Variants in CHD8 observed in about 807,000 individuals in gnomAD.
CHD8 encodes the protein chromodomain helicase DNA binding protein 8, also known as ATP-dependent chromatin remodeler CHD8.
In CHD8, 31 loss-of-function variants were observed where a neutral mutation model predicts 279.2. The ratio of observed to expected loss-of-function variants is 0.11; its 90% CI spans 0.08 to 0.15. The LOEUF is 0.15. Among genes scored for constraint, CHD8 ranks in the 10% least tolerant of loss-of-function variants. The probability of loss-of-function intolerance (pLI) is 1.00; values close to 1 mark genes in which losing one functional copy is unlikely to be tolerated. For synonymous variants in CHD8, 1,081 were observed against 1,139.6 expected (o/e 0.95, Z 1.04); for missense variants, 2,146 against 3,230.5 (o/e 0.66, Z 8.14).
At chr14:21,392,447 A>G (rs1412708212) in intron 34 of CHD8, 60 bp downstream of exon 34, 64 of 1,484,752 alleles carry the variant, frequency 4.3e-5, no homozygotes, top group Non-Finnish European at 5.5e-5. Context: ...TAGTAAAATT[A>G]GTTACAGCAA....
chr14:21,405,920 T>A lies in CHD8; in HGVS notation c.2908-56A>T. On this transcript the variant is annotated intron_variant, in intron 14 of 37. Transcript: ENST00000646647. This position sits in a 1 kb window ranked among gnomAD's most constrained non-coding sequence, Gnocchi z 4.2. ...TTAAAAACATGAAGGACTTCTGGGGTTTCCTATCAAGTATATAATCTTTAA... is the reference window on the plus strand; with the variant it reads ...TTAAAAACATGAAGGACTTCTGGGGATTCCTATCAAGTATATAATCTTTAA... 1 of 1,415,552 alleles carries A rather than the reference T, an allele frequency of 7.1e-7. No individual in the cohort carries two copies. 87.7% of individuals were successfully genotyped at this position (1,415,552 alleles called of 1,614,324 possible).
intron 1 of CHD8, chr14:21,437,048 A>AAGGGGG: frequency 2.2e-6 from 1 of 464,446 alleles, no homozygotes; most frequent in Non-Finnish European, 3.4e-6. Flanking sequence ...GGGATGGCCA[A>AAGGGGG]GACGGGAAGA....
chr14:21,399,846 A>G, intron 25 of CHD8, 135 bp downstream of exon 25: 1 of 964,568 alleles, frequency 1.0e-6, no homozygotes, highest in Non-Finnish European at 1.7e-6. Context: ...CACTAGTGTC[A>G]AGTATAAGAT....
At chr14:21,399,561 A>C (rs1308362532) in intron 26 of CHD8, 41 bp downstream of exon 26, 5 of 1,395,050 alleles carry the variant, frequency 3.6e-6, no homozygotes, top group Non-Finnish European at 4.1e-6. Context: ...GTGAACATAA[A>C]TCTTCAGTCG....
At chr14:21,426,319 C>A (rs1056905992) in intron 4 of CHD8, 77 bp from the exon 5 acceptor site, 11 of 717,842 alleles carry the variant, frequency 1.5e-5, no homozygotes, top group Non-Finnish European at 2.6e-5. Context: ...TTAATCTAAA[C>A]CATCACATAC....
Position 21,386,101 on chromosome 14 carries a change from G to T in CHD8, c.7258C>A (p.Arg2420Ser), listed in dbSNP as rs371294659. ...IAPESSKKRA[R>S]RMRPDLSKMM... ...TTAGAAAGGTCTGGTCGCATCCTAC[G>T]GGCCCGCTTCTTGCTGCTCTCTGGT... The change falls in exon 38 of 38, where the codon CGT becomes AGT. Residue 2420 changes from arginine (R) to serine (S), a missense_variant. Arg to Ser is a moderately radical substitution (Grantham distance 110). Coordinates refer to ENST00000646647, the MANE Select transcript of CHD8 (RefSeq NM_001170629.2). 6.4e-7 allele frequency: 1 copy of T among 1,559,240 alleles called. No individual in the cohort carries two copies. The highest frequency in any genetic ancestry group is 1.9e-5 in the Admixed American group (1 of 51,772).
chr14:21,399,903 G>A, intron 25 of CHD8, 78 bp downstream of exon 25: 6 of 1,242,490 alleles, frequency 4.8e-6, no homozygotes, highest in Non-Finnish European at 7.1e-6. Context: ...CCCAAAGATA[G>A]CATAAAATGA....
At chr14:21,397,517 T>A in intron 27 of CHD8, 1 of 380,980 alleles carries the variant, frequency 2.6e-6, no homozygotes, top group Admixed American at 3.4e-5. Flanking sequence ...AGCTGCTGGC[T>A]GTTATCTTTC....
chr14:21,426,344 G>C (rs1889317583), intron 4 of CHD8, 102 bp from the exon 5 acceptor site: 2 of 627,368 alleles, frequency 3.2e-6, no homozygotes, highest in African/African-American at 1.8e-5. Context: ...CTTCCAGACA[G>C]AAGTTTTTAG....
intron 21 of CHD8, 44 bp downstream of exon 21, chr14:21,401,359 G>C (rs1346601739): frequency 1.7e-6 from 2 of 1,155,920 alleles, no homozygotes; most frequent in Non-Finnish European, 1.2e-6. Context: ...CCCGAAAGTA[G>C]TGTGGTCTTC....
intron 27 of CHD8, 128 bp from the exon 28 acceptor site, chr14:21,396,020 C>T: frequency 1.4e-6 from 1 of 701,998 alleles, no homozygotes; most frequent in South Asian, 1.7e-5. Flanking sequence ...ATTTTTGAGA[C>T]AGGTCTCACT....
chr14:21,421,027 C>G (rs980025332), intron 5 of CHD8, among the ~76,000 whole-genome samples: 1 of 152,202 alleles, frequency 6.6e-6, no homozygotes, highest in African/African-American at 2.4e-5. Context: ...CTCCCAAGTG[C>G]TGGGATTACC....
In CHD8 at chr14:21,431,127, C is replaced by T. The variant is rs779469051; in HGVS notation, c.517G>A (p.Ala173Thr). The T allele has an allele frequency of 3.1e-6, 5 of 1,598,966 alleles. No homozygotes were observed. Among genetic ancestry groups the T allele is most frequent in the Admixed American group, 3.3e-5 (2 of 59,890 alleles). Residue 173 changes from alanine (A) to threonine (T), a missense_variant, in exon 2 of 38, where the codon GCC becomes ACC. By Grantham distance (58) the Ala-to-Thr change is moderately conservative. Coordinates refer to ENST00000646647, the MANE Select transcript of CHD8 (RefSeq NM_001170629.2). Reference protein sequence around the residue: ...KAPPSSSVTGAHVAQIQAQGI... With the variant: ...KAPPSSSVTGTHVAQIQAQGI... ...TGGGCCTGAATTTGTGCCACATGGGCACCAGTGACTGAGGAGCTTGGTGGG... is the reference window on the plus strand; with the variant it reads ...TGGGCCTGAATTTGTGCCACATGGGTACCAGTGACTGAGGAGCTTGGTGGG...
chr14:21,403,756 A>C lies in CHD8; in HGVS notation c.3308-93T>G, dbSNP rs1403822039. On this transcript the variant is annotated intron_variant, in intron 16 of 37. Coordinates refer to ENST00000646647, the MANE Select transcript of CHD8 (RefSeq NM_001170629.2). This position sits in a 1 kb window ranked among gnomAD's most constrained non-coding sequence, Gnocchi z 4.3. ...TAAGAAAGCAAAAGGAAAAAAATGTAATTTGACTTAAGACCAACATTTCTC... is the reference window on the plus strand; with the variant it reads ...TAAGAAAGCAAAAGGAAAAAAATGTCATTTGACTTAAGACCAACATTTCTC... 14 of 1,087,932 alleles carry C rather than the reference A, an allele frequency of 1.3e-5. No individual in the cohort carries two copies. The highest frequency in any genetic ancestry group is 2.2e-5 in the Admixed American group (1 of 45,282). 67.4% of individuals were successfully genotyped at this position (1,087,932 alleles called of 1,614,324 possible).
chr14:21,398,124 T>C, intron 26 of CHD8, 172 bp from the exon 27 acceptor site: 1 of 518,476 alleles, frequency 1.9e-6, no homozygotes, highest in Non-Finnish European at 3.1e-6. Flanking sequence ...AACATTTTTA[T>C]AGCAATTTAG....
rs1430708250 is a variant in CHD8, at chr14:21,426,139, T to C, written c.1705A>G (p.Ser569Gly). Residue 569 changes from serine (S) to glycine (G), a missense_variant, in exon 5 of 38, where the codon AGC (serine) becomes GGC (glycine). Around this residue, in one of 26 missense-constraint regions of CHD8, gnomAD observed 123 missense variants for 169.2 expected, o/e 0.73. Coordinates refer to ENST00000646647, the MANE Select transcript of CHD8 (RefSeq NM_001170629.2). Reference sequence around the variant, plus strand: ...TGGGATCCTTTTACCTGAATGCTGCTTTCTTCATCTTCTCGAGGTGACTGT... The same window carrying C: ...TGGGATCCTTTTACCTGAATGCTGCCTTCTTCATCTTCTCGAGGTGACTGT... Reference protein sequence around the residue: ...PAQSPREDEESSIQKRRSNRQ... With the variant: ...PAQSPREDEEGSIQKRRSNRQ... 3.8e-6 allele frequency: 6 copies of C among 1,598,340 alleles called. No homozygotes were observed. Among genetic ancestry groups the C allele is most frequent in the Non-Finnish European group, 5.1e-6 (6 of 1,167,182 alleles).
chr14:21,395,170 G>C, intron 29 of CHD8, 51 bp from the exon 30 acceptor site: 3 of 1,566,144 alleles, frequency 1.9e-6, no homozygotes, highest in Non-Finnish European at 1.7e-6. Context: ...GGTAGTAGAG[G>C]CAATACTAGT....
intron 4 of CHD8, chr14:21,427,601 T>G (rs1244024073): frequency 6.9e-7 from 1 of 1,445,520 alleles, no homozygotes; most frequent in African/African-American, 1.4e-5. Flanking sequence ...GAGCACTCAC[T>G]TGAGCTTGCT....
In CHD8 at chr14:21,385,478, T is replaced by C. The variant is rs1887183171; in HGVS notation, c.*135A>G. On this transcript the variant is annotated 3_prime_UTR_variant, in exon 38 of 38. Coordinates refer to ENST00000646647, the MANE Select transcript of CHD8 (RefSeq NM_001170629.2). ...TGGGAGCAATCAGGTACATTTTTTT[T>C]TTTTTTTCCTTTTCACCTCCTGGAG... 2 of 1,368,578 alleles carry C rather than the reference T, an allele frequency of 1.5e-6. No individual in the cohort carries two copies. The highest frequency in any genetic ancestry group is 5.1e-5 in the East Asian group (2 of 39,266). 84.8% of individuals were successfully genotyped at this position (1,368,578 alleles called of 1,614,324 possible).
Sources: gnomAD v4.1 joint callset for allele counts (sites outside exome capture counted in the v4.1 genomes callset) on GRCh38, gnomAD v4.1.1 for gene constraint, gnomAD v4.1.1 regional missense constraint, Gnocchi (gnomAD v3.1) non-coding constraint, MANE v1.5 for transcripts, NCBI Gene and HGNC (gene_info 2026-07-23, HGNC 2026-07-21) for gene names.